DACH1: variants seen among roughly 807,000 people sequenced by gnomAD.
DACH1 encodes the protein dachshund family transcription factor 1, also known as dachshund homolog 1.
Under a neutral mutation model 54.2 loss-of-function variants are expected in DACH1, and 12 were observed. That is an observed-to-expected ratio of 0.22 (90% CI 0.14 to 0.36). The LOEUF is 0.36. Among genes scored for constraint, DACH1 ranks in the 10% least tolerant of loss-of-function variants. DACH1 has a pLI of 1.00. For missense variants in DACH1, 805 were observed against 929.8 expected (o/e 0.87, Z 1.75); for synonymous variants, 386 against 366.2 (o/e 1.05, Z -0.62).
chr13:71,790,579 A>T (rs93177), intron 1 of DACH1, among the ~76,000 whole-genome samples: 100 of 152,126 alleles, frequency 6.6e-4, no homozygotes, highest in South Asian at 1.7e-3. Flanking sequence ...AAAAGCAAAA[A>T]TCTAGAGTTA....
In DACH1 at chr13:71,703,105, T is replaced by C. The variant is rs113168765; in HGVS notation, c.849-21195A>G. 2.6e-3 allele frequency among the ~76,000 whole-genome samples: 402 copies of C among 152,354 alleles called. 5 individuals are homozygous for C. Among genetic ancestry groups the C allele is most frequent in the African/African-American group, 9.2e-3 (383 of 41,584 alleles). ...CTAATTTTCTTAATTGTGTGTCATA[T>C]AGTATCTTAGCAGAGTCAAAAGATA... On this transcript the variant is annotated intron_variant, in intron 1 of 10. Coordinates refer to ENST00000613252, the MANE Select transcript of DACH1 (RefSeq NM_080759.6).
chr13:71,453,022 T>C (rs1875215726), intron 10 of DACH1, among the ~76,000 whole-genome samples: 1 of 152,182 alleles, frequency 6.6e-6, no homozygotes, highest in Non-Finnish European at 1.5e-5. Flanking sequence ...AATGCTTTGG[T>C]AAAGTATTTT....
chr13:71,694,791 G>C (rs1881736276), intron 1 of DACH1, among the ~76,000 whole-genome samples: 1 of 152,022 alleles, frequency 6.6e-6, no homozygotes, highest in African/African-American at 2.4e-5. Flanking sequence ...TAAAAACATA[G>C]TGCCTTAAAA....
chr13:71,457,445 T>TAACA (rs1014529214), intron 10 of DACH1, among the ~76,000 whole-genome samples: 1 of 151,984 alleles, frequency 6.6e-6, no homozygotes, highest in African/African-American at 2.4e-5. Context: ...GTACATAATC[T>TAACA]AACACTGTAA....
chr13:71,459,026 A>G (rs1045720761), intron 10 of DACH1, among the ~76,000 whole-genome samples: 3 of 151,942 alleles, frequency 2.0e-5, no homozygotes, highest in African/African-American at 7.2e-5. Context: ...AGATAGATTC[A>G]ACAAGAGTTA....
At chr13:71,600,941 A>ATT (rs201658642) in intron 3 of DACH1, among the ~76,000 whole-genome samples, 1 of 146,812 alleles carries the variant, frequency 6.8e-6, no homozygotes, top group South Asian at 2.1e-4. Flanking sequence ...AACTCCAGTT[A>ATT]TTTTTTTTTT....
At chr13:71,530,981 T>A (rs957811635) in intron 6 of DACH1, among the ~76,000 whole-genome samples, 1 of 152,080 alleles carries the variant, frequency 6.6e-6, no homozygotes, top group Non-Finnish European at 1.5e-5. Context: ...ATGATCAACG[T>A]AAGGGATGGA....
At chr13:71,797,257 G>A (rs1887093872) in intron 1 of DACH1, among the ~76,000 whole-genome samples, 1 of 151,934 alleles carries the variant, frequency 6.6e-6, no homozygotes, top group Non-Finnish European at 1.5e-5. Context: ...CCTAACAAAT[G>A]TCCCAGTTTC....
intron 1 of DACH1, among the ~76,000 whole-genome samples, chr13:71,826,279 T>A (rs1425215377): frequency 6.6e-6 from 1 of 152,148 alleles, no homozygotes; most frequent in South Asian, 2.1e-4. Context: ...TTTTAATGAT[T>A]CTAAATTAAA....
At chr13:71,671,368 C>G (rs1228501899) in intron 2 of DACH1, among the ~76,000 whole-genome samples, 1 of 151,704 alleles carries the variant, frequency 6.6e-6, no homozygotes, top group Non-Finnish European at 1.5e-5. Context: ...CCATAAAAAA[C>G]AGTGTAGCAA....
chr13:71,666,034 C>T (rs1461538636), intron 2 of DACH1, among the ~76,000 whole-genome samples: 2 of 151,970 alleles, frequency 1.3e-5, no homozygotes, highest in East Asian at 1.9e-4. Context: ...GTTTGCAGTG[C>T]CTTTTGTTTT....
intron 1 of DACH1, among the ~76,000 whole-genome samples, chr13:71,756,951 G>A (rs1270910599): frequency 2.6e-5 from 4 of 152,130 alleles, no homozygotes; most frequent in Non-Finnish European, 4.4e-5. Flanking sequence ...CAGGAGAAAC[G>A]ATGGCTCACG....
At chr13:71,447,341 A>G (rs1874557766) in intron 10 of DACH1, among the ~76,000 whole-genome samples, 1 of 152,198 alleles carries the variant, frequency 6.6e-6, no homozygotes, top group Non-Finnish European at 1.5e-5. Context: ...GGAGAATTCT[A>G]TCTCAAAATT....
chr13:71,666,240 A>AT (rs139855530), intron 2 of DACH1, among the ~76,000 whole-genome samples: 256 of 152,318 alleles, frequency 1.7e-3, no homozygotes, highest in African/African-American at 5.8e-3. Flanking sequence ...TCTGTTGATT[A>AT]TATCCTATGT....
intron 10 of DACH1, among the ~76,000 whole-genome samples, chr13:71,466,570 C>T (rs1241247362): frequency 2.6e-5 from 4 of 152,048 alleles, no homozygotes; most frequent in Admixed American, 1.3e-4. Context: ...AGGCAGGGTG[C>T]GGCGGCTCAC....
intron 1 of DACH1, among the ~76,000 whole-genome samples, chr13:71,716,131 T>C (rs551702451): frequency 2.6e-5 from 4 of 151,942 alleles, no homozygotes; most frequent in Non-Finnish European, 5.9e-5. Context: ...TCCCAATCCT[T>C]CCCTCTTTTT....
chr13:71,473,806 G>T (rs991914617), intron 10 of DACH1, among the ~76,000 whole-genome samples: 2 of 152,060 alleles, frequency 1.3e-5, no homozygotes, highest in South Asian at 2.1e-4. Flanking sequence ...TATCTAATGC[G>T]TGAATAGCCC....
chr13:71,774,324 T>A (rs1372898631), intron 1 of DACH1, among the ~76,000 whole-genome samples: 2 of 152,130 alleles, frequency 1.3e-5, no homozygotes, highest in Non-Finnish European at 2.9e-5. Flanking sequence ...AATCTGGTCA[T>A]GTCTATATTT....
intron 2 of DACH1, among the ~76,000 whole-genome samples, chr13:71,680,903 C>T (rs918774293): frequency 3.6e-4 from 54 of 151,884 alleles, no homozygotes; most frequent in African/African-American, 1.2e-3. Flanking sequence ...AATACTGATA[C>T]AGGAATTTAG....
Sources: gnomAD v4.1 joint callset for allele counts (sites outside exome capture counted in the v4.1 genomes callset) on GRCh38, gnomAD v4.1.1 for gene constraint, MANE v1.5 for transcripts, NCBI Gene and HGNC (gene_info 2026-07-23, HGNC 2026-07-21) for gene names.